The following ADAMTS6 variants were observed in gnomAD, a reference collection of about 807,000 sequenced individuals.
ADAMTS6 encodes the protein A disintegrin and metalloproteinase with thrombospondin motifs 6.
A neutral mutation model predicts 144.3 loss-of-function variants in ADAMTS6; 23 were observed. That is an observed-to-expected ratio of 0.16 (90% confidence interval 0.11 to 0.23). The LOEUF (loss-of-function observed/expected upper bound fraction) is 0.23, where lower values mean the gene tolerates loss of function less well. ADAMTS6 is among the 10% of genes least tolerant of loss of function. ADAMTS6 has a pLI of 1.00. For synonymous variants in ADAMTS6, 444 were observed against 457.5 expected (o/e 0.97, Z 0.38); for missense variants, 999 against 1,379.6 (o/e 0.72, Z 4.37).
intron 7 of ADAMTS6, among the ~76,000 whole-genome samples, chr5:65,372,280 C>G (rs1364530959): frequency 2.6e-5 from 4 of 151,070 alleles, no homozygotes; most frequent in Non-Finnish European, 5.9e-5. Context: ...TGTAAATGGA[C>G]TAAATGCTCC....
At chr5:65,201,983 G>A (rs1232212899) in intron 20 of ADAMTS6, among the ~76,000 whole-genome samples, 5 of 152,230 alleles carry the variant, frequency 3.3e-5, no homozygotes, top group East Asian at 1.9e-4. Context: ...ATGTCTCTCC[G>A]CTCTGCCTTT....
intron 24 of ADAMTS6, among the ~76,000 whole-genome samples, chr5:65,156,467 G>A (rs1204863004): frequency 6.6e-6 from 1 of 152,050 alleles, no homozygotes; most frequent in Non-Finnish European, 1.5e-5. Flanking sequence ...CAAATGTTCT[G>A]TTTTAATTTC....
At chr5:65,304,643 G>A (rs972510337) in intron 9 of ADAMTS6, among the ~76,000 whole-genome samples, 1 of 152,036 alleles carries the variant, frequency 6.6e-6, no homozygotes, top group Admixed American at 6.5e-5. Flanking sequence ...TGTTACCCAG[G>A]CTGATCTCAA....
At chr5:65,311,467 A>G (rs2112843492) in intron 9 of ADAMTS6, among the ~76,000 whole-genome samples, 1 of 152,254 alleles carries the variant, frequency 6.6e-6, no homozygotes, top group South Asian at 2.1e-4. Flanking sequence ...ATTAAAGCAG[A>G]TCATTTTTTA....
At chr5:65,239,086 G>T (rs1375952514) in intron 15 of ADAMTS6, among the ~76,000 whole-genome samples, 1 of 152,058 alleles carries the variant, frequency 6.6e-6, no homozygotes, top group African/African-American at 2.4e-5. Flanking sequence ...TTGGACACAG[G>T]GAGGGGAACA....
At chr5:65,431,665 G>A (rs900192926) in intron 7 of ADAMTS6, among the ~76,000 whole-genome samples, 1 of 152,070 alleles carries the variant, frequency 6.6e-6, no homozygotes, top group African/African-American at 2.4e-5. Context: ...TTTTCTAACT[G>A]AAACCACTTT....
intron 7 of ADAMTS6, among the ~76,000 whole-genome samples, chr5:65,414,920 T>C (rs999577099): frequency 2.6e-5 from 4 of 152,126 alleles, no homozygotes; most frequent in African/African-American, 7.2e-5. Context: ...TGACCTTGTA[T>C]TAAGCAATGA....
intron 7 of ADAMTS6, among the ~76,000 whole-genome samples, chr5:65,391,662 T>C (rs1752925280): frequency 6.6e-6 from 1 of 152,170 alleles, no homozygotes; most frequent in African/African-American, 2.4e-5. Flanking sequence ...GGTTAGACAT[T>C]ATATTTAGCT....
chr5:65,429,594 C>T (rs1036123726), intron 7 of ADAMTS6, among the ~76,000 whole-genome samples: 1 of 152,002 alleles, frequency 6.6e-6, no homozygotes, highest in Non-Finnish European at 1.5e-5. Flanking sequence ...GGGTGTCAGC[C>T]ATGAACCCTT....
At chr5:65,221,046 T>G (rs997910268) in intron 18 of ADAMTS6, among the ~76,000 whole-genome samples, 2 of 152,180 alleles carry the variant, frequency 1.3e-5, no homozygotes, top group Non-Finnish European at 2.9e-5. Flanking sequence ...GACAACTCCA[T>G]TCTAGATAGC....
intron 12 of ADAMTS6, among the ~76,000 whole-genome samples, chr5:65,269,092 A>T (rs368508056): frequency 6.6e-6 from 1 of 152,302 alleles, no homozygotes; most frequent in African/African-American, 2.4e-5. Context: ...ACTCATGCTT[A>T]TACTCTCTAC....
chr5:65,191,921 G>A (rs1755039047), intron 21 of ADAMTS6, among the ~76,000 whole-genome samples: 1 of 152,046 alleles, frequency 6.6e-6, no homozygotes, highest in Non-Finnish European at 1.5e-5. Context: ...TTACCAAGCT[G>A]GTGATGTCTG....
At chr5:65,163,011 G>C (rs1037507888) in intron 24 of ADAMTS6, among the ~76,000 whole-genome samples, 2 of 152,152 alleles carry the variant, frequency 1.3e-5, no homozygotes, top group African/African-American at 4.8e-5. Context: ...CTGAGTTCAA[G>C]TGATCCTCCT....
chr5:65,292,637 G>A (rs1045630372), intron 10 of ADAMTS6, among the ~76,000 whole-genome samples: 4 of 152,058 alleles, frequency 2.6e-5, no homozygotes, highest in African/African-American at 7.2e-5. Flanking sequence ...TTTAAAAACT[G>A]AACCATACTA....
chr5:65,338,686 A>G (rs944483550), intron 7 of ADAMTS6, among the ~76,000 whole-genome samples: 3 of 152,116 alleles, frequency 2.0e-5, no homozygotes, highest in Non-Finnish European at 4.4e-5. Flanking sequence ...AGAGCCAGGA[A>G]TATAGCCCCA....
chr5:65,260,555 G>T, intron 14 of ADAMTS6, 45 bp downstream of exon 14: 1 of 1,540,398 alleles, frequency 6.5e-7, no homozygotes, highest in Non-Finnish European at 9.0e-7. Flanking sequence ...CTACTCTAGG[G>T]AAAGAGTAAG....
intron 3 of ADAMTS6, among the ~76,000 whole-genome samples, chr5:65,469,322 A>C (rs1760255679): frequency 6.6e-6 from 1 of 152,118 alleles, no homozygotes; most frequent in African/African-American, 2.4e-5. Context: ...CTTCTCTCAA[A>C]TCCCACAATG....
intron 9 of ADAMTS6, among the ~76,000 whole-genome samples, chr5:65,310,923 T>G (rs1561408149): frequency 6.6e-6 from 1 of 152,200 alleles, no homozygotes; most frequent in Non-Finnish European, 1.5e-5. Flanking sequence ...GCTTTTTGTT[T>G]TGGCTCATGA....
rs554694364 is a variant in ADAMTS6, at chr5:65,319,436, T to C, written c.1223+9942A>G. 2.3e-3 allele frequency among the ~76,000 whole-genome samples: 342 copies of C among 150,536 alleles called. 1 individual carries two copies. The highest frequency in any genetic ancestry group is 8.0e-3 in the African/African-American group (327 of 41,028). ...GGCTCGGGCCTGTAATCCCAGCACT[T>C]TGGGAGGCTGACGTGGAAGGACTGC... On this transcript the variant is annotated intron_variant, in intron 9 of 24. Coordinates refer to ENST00000381055, the MANE Select transcript of ADAMTS6 (RefSeq NM_197941.4).
Sources: gnomAD v4.1 joint callset for allele counts (sites outside exome capture counted in the v4.1 genomes callset) on GRCh38, gnomAD v4.1.1 for gene constraint, MANE v1.5 for transcripts, NCBI Gene and HGNC (gene_info 2026-07-23, HGNC 2026-07-21) for gene names.